TBC1D1: variants seen among roughly 807,000 people sequenced by gnomAD.
The protein encoded by TBC1D1 is TBC1 (tre-2/USP6, BUB2, cdc16) domain family, member 1.
A neutral mutation model predicts 125.6 loss-of-function variants in TBC1D1; 89 were observed. The observed-to-expected ratio is 0.71, with a 90% CI of 0.60 to 0.85. The LOEUF is 0.85. Ranked by LOEUF, TBC1D1 falls within the 40% of genes least tolerant of loss-of-function variation. The pLI is 0.00. For synonymous variants in TBC1D1, 565 were observed against 564.1 expected, an observed-to-expected ratio of 1.00 and a Z score of -0.02; for missense variants, 1,377 against 1,469.2, an observed-to-expected ratio of 0.94 and a Z score of 1.03.
chr4:38,114,814 T>C (rs1762703279), intron 15 of TBC1D1, among the ~76,000 whole-genome samples: 1 of 152,098 alleles, frequency 6.6e-6, no homozygotes, highest in Admixed American at 6.5e-5. Context: ...AAGGTAACTT[T>C]TGTGAAAAGA....
intron 2 of TBC1D1, among the ~76,000 whole-genome samples, chr4:37,992,525 C>T (rs553905334): frequency 4.2e-5 from 6 of 141,406 alleles, no homozygotes; most frequent in African/African-American, 1.0e-4. Flanking sequence ...GACGGAGTCT[C>T]GCTCTATCAC....
chr4:38,106,337 A>G (rs1761293349), intron 15 of TBC1D1, among the ~76,000 whole-genome samples: 1 of 152,090 alleles, frequency 6.6e-6, no homozygotes, highest in Admixed American at 6.6e-5. Context: ...CAGGAACTGA[A>G]CCCACTGTCA....
intron 12 of TBC1D1, among the ~76,000 whole-genome samples, chr4:38,070,486 A>G (rs757583987): frequency 2.0e-5 from 3 of 152,240 alleles, no homozygotes; most frequent in Non-Finnish European, 4.4e-5. Flanking sequence ...TTGCCAAGCC[A>G]TGGAAAACAC....
At chr4:37,906,154 T>TC (rs113545613) in intron 2 of TBC1D1, among the ~76,000 whole-genome samples, 8,151 of 151,784 alleles carry the variant, frequency 0.054, 391 homozygotes, top group African/African-American at 0.12. Context: ...CTTTTTCTTT[T>TC]CCCCCCCGCT....
chr4:38,019,530 A>G (rs1743549557), intron 4 of TBC1D1, among the ~76,000 whole-genome samples: 1 of 152,096 alleles, frequency 6.6e-6, no homozygotes, highest in South Asian at 2.1e-4. Context: ...TGAATGTTAA[A>G]TGTTTACATT....
chr4:38,135,924 A>ATGTGTGTGTGTGTG, intron 19 of TBC1D1, among the ~76,000 whole-genome samples: 1 of 145,090 alleles, frequency 6.9e-6, no homozygotes, highest in African/African-American at 2.5e-5. Context: ...GTGTGTGTAT[A>ATGTGTGTGTGTGTG]TGTGTGTGTG....
chr4:37,907,209 A>G (rs1466648780), intron 2 of TBC1D1, among the ~76,000 whole-genome samples: 1 of 152,240 alleles, frequency 6.6e-6, no homozygotes, highest in African/African-American at 2.4e-5. Context: ...ACTGCTACAT[A>G]GTAGGAAAAT....
intron 14 of TBC1D1, among the ~76,000 whole-genome samples, chr4:38,098,964 T>C (rs1482263554): frequency 6.6e-6 from 1 of 152,232 alleles, no homozygotes; most frequent in Admixed American, 6.5e-5. Context: ...TATGACATTA[T>C]AGATAATTCA....
chr4:38,132,750 A>G (rs1765801618), intron 18 of TBC1D1: 1 of 178,834 alleles, frequency 5.6e-6, no homozygotes, highest in South Asian at 2.0e-4. Context: ...TTTCAGAGAA[A>G]AGAAGTGAAA....
At chr4:37,948,147 C>G (rs769376135) in intron 2 of TBC1D1, among the ~76,000 whole-genome samples, 1 of 152,146 alleles carries the variant, frequency 6.6e-6, no homozygotes, top group Non-Finnish European at 1.5e-5. Context: ...GAAGACAGGG[C>G]TAGAAGAACG....
intron 2 of TBC1D1, among the ~76,000 whole-genome samples, chr4:37,942,775 T>C (rs1016933015): frequency 1.4e-4 from 22 of 152,086 alleles, no homozygotes; most frequent in African/African-American, 4.8e-4. Context: ...CTGCTGACCT[T>C]GTGATCCACC....
intron 19 of TBC1D1, among the ~76,000 whole-genome samples, chr4:38,134,654 A>G (rs1205571712): frequency 3.3e-5 from 5 of 152,252 alleles, no homozygotes; most frequent in African/African-American, 1.2e-4. Flanking sequence ...GCAGTTCTCA[A>G]ATAAAAGGTT....
intron 8 of TBC1D1, 79 bp from the exon 9 acceptor site, chr4:38,044,283 A>T: frequency 6.8e-7 from 1 of 1,469,758 alleles, no homozygotes; most frequent in Non-Finnish European, 9.1e-7. Context: ...TGCCAAAAAG[A>T]TGTGTCCTAG....
rs1766832491 is a variant in TBC1D1, at chr4:38,137,425, G to A, written c.*90G>A. ...AGACGCTGGAAGGAGAGAAGGAAGC[G>A]GGAAGTGTGCTTCTCAGGGAGGAAA... On this transcript the variant is annotated 3_prime_UTR_variant, in exon 20 of 20. Coordinates refer to ENST00000261439, the MANE Select transcript of TBC1D1 (RefSeq NM_015173.4). 15 of 1,339,940 alleles carry A rather than the reference G, an allele frequency of 1.1e-5. No individual in the cohort carries two copies. The Admixed American group carries it at 1.6e-4, about 14-fold the overall frequency. The allele number at this position is 1,339,940 out of a possible 1,614,324, so 83.0% of individuals were successfully genotyped here.
chr4:37,892,378 C>T (rs1442974820), intron 1 of TBC1D1, among the ~76,000 whole-genome samples: 2 of 151,916 alleles, frequency 1.3e-5, no homozygotes, highest in Admixed American at 6.6e-5. Context: ...ACTGTGCCAC[C>T]TCACTGGAGC....
chr4:37,981,930 A>G (rs137862059), intron 2 of TBC1D1, among the ~76,000 whole-genome samples: 1,577 of 152,278 alleles, frequency 0.01, 20 homozygotes, highest in Non-Finnish European at 0.016. Flanking sequence ...AGAAAGGAAT[A>G]CCAGTGGATA....
chr4:38,027,822 A>G lies in TBC1D1; in HGVS notation c.1245A>G (p.Gln415=). Residue 415 remains glutamine (Q), a synonymous_variant, in exon 7 of 20, where the codon CAA becomes CAG. Transcript: ENST00000261439. The stretch of plus-strand genomic sequence containing the variant: ...CTTCCAAAACAAAACTAGAACTGCA[A>G]AAGCACCTGACGACATTAACCAATC... The G allele has an allele frequency of 6.2e-7, 1 of 1,613,698 alleles. No homozygotes were observed. Among genetic ancestry groups the G allele is most frequent in the Non-Finnish European group, 8.5e-7 (1 of 1,179,818 alleles).
chr4:38,085,106 A>G (rs1474921418), intron 12 of TBC1D1, among the ~76,000 whole-genome samples: 1 of 152,174 alleles, frequency 6.6e-6, no homozygotes, highest in Non-Finnish European at 1.5e-5. Flanking sequence ...TTCCCCACAC[A>G]TTTGTGTGCA....
intron 2 of TBC1D1, chr4:37,996,032 G>A (rs1737726470): frequency 1.9e-6 from 1 of 517,948 alleles, no homozygotes; most frequent in Non-Finnish European, 3.9e-6. Context: ...GGGCCCGGAG[G>A]GAGGTCAGGC....
Sources: allele counts gnomAD v4.1 joint callset (sites outside exome capture counted in the v4.1 genomes callset), GRCh38; gene constraint gnomAD v4.1.1; transcripts MANE v1.5; gene names NCBI Gene and HGNC (gene_info 2026-07-23, HGNC 2026-07-21).